The following CDC73 variants were observed in gnomAD, a reference collection of about 807,000 sequenced individuals.
The protein encoded by CDC73 is parafibromin.
CDC73 carries 21 observed loss-of-function variants against 83.7 expected under a neutral mutation model. The observed-to-expected ratio is 0.25, with a 90% CI of 0.18 to 0.36. The LOEUF (loss-of-function observed/expected upper bound fraction) is 0.36, where lower values mean the gene tolerates loss of function less well. CDC73 is among the 10% of genes least tolerant of loss of function. The pLI, the probability that CDC73 is intolerant of heterozygous loss-of-function variation, is 1.00. For missense variants in CDC73, 342 were observed against 653.3 expected, an observed-to-expected ratio of 0.52 and a Z score of 5.19; for synonymous variants, 224 against 212.9, an observed-to-expected ratio of 1.05 and a Z score of -0.45.
intron 13 of CDC73, among the ~76,000 whole-genome samples, chr1:193,226,337 T>C (rs1677566940): frequency 6.6e-6 from 1 of 152,166 alleles, no homozygotes; most frequent in Admixed American, 6.6e-5. Context: ...TTGGTGACTG[T>C]GTCCTTATAG....
chr1:193,242,637 C>A (rs1677881972), intron 15 of CDC73, among the ~76,000 whole-genome samples: 1 of 151,988 alleles, frequency 6.6e-6, no homozygotes, highest in Non-Finnish European at 1.5e-5. Context: ...ATCTTGAAGC[C>A]CCTCTCAAGA....
In CDC73 at chr1:193,190,957, A is replaced by G. The variant is rs1174776345; in HGVS notation, c.973-12838A>G. 4.6e-5 allele frequency among the ~76,000 whole-genome samples: 7 copies of G among 152,304 alleles called. No individual in the cohort carries two copies. In the East Asian group the frequency reaches 1.4e-3, roughly 29 times the overall value. On this transcript the variant is annotated intron_variant, in intron 10 of 16. Transcript: ENST00000367435. Reference sequence around the variant, plus strand: ...TTAGGGCCAGGGTAGGTAGTAGTCCAGTAGTGTGTGGGACAGTCTTTGTAA... The same window carrying G: ...TTAGGGCCAGGGTAGGTAGTAGTCCGGTAGTGTGTGGGACAGTCTTTGTAA...
intron 10 of CDC73, among the ~76,000 whole-genome samples, chr1:193,177,783 A>C (rs865825552): frequency 2.5e-4 from 38 of 152,188 alleles, no homozygotes; most frequent in African/African-American, 8.7e-4. Flanking sequence ...ACATTAATAA[A>C]ATTGCAGTTG....
chr1:193,219,888 A>T (rs61821975), intron 13 of CDC73, among the ~76,000 whole-genome samples: 2 of 152,224 alleles, frequency 1.3e-5, no homozygotes, highest in African/African-American at 2.4e-5. Context: ...ATAAAAGGAA[A>T]GAACAGCAAA....
chr1:193,205,246 A>G (rs1362174629), intron 11 of CDC73, among the ~76,000 whole-genome samples: 4 of 118,784 alleles, frequency 3.4e-5, no homozygotes, highest in African/African-American at 6.6e-5. Flanking sequence ...GAAAGTGAGT[A>G]TGAAGAAAGA....
At chr1:193,244,465 C>T (rs1346271652) in intron 15 of CDC73, among the ~76,000 whole-genome samples, 2 of 152,084 alleles carry the variant, frequency 1.3e-5, no homozygotes, top group Admixed American at 6.5e-5. Context: ...GCCTGCAGTC[C>T]CAGCTGCTGG....
chr1:193,128,948 T>C (rs943851926), intron 2 of CDC73, among the ~76,000 whole-genome samples: 6 of 151,760 alleles, frequency 4.0e-5, no homozygotes, highest in Admixed American at 3.9e-4. Context: ...CGCCTCAGTC[T>C]CCTGAGTAGC....
intron 13 of CDC73, among the ~76,000 whole-genome samples, chr1:193,230,574 C>T (rs1677647005): frequency 7.3e-6 from 1 of 137,022 alleles, no homozygotes; most frequent in Non-Finnish European, 1.5e-5. Flanking sequence ...ACATATGAAA[C>T]AATTGCCTAT....
intron 10 of CDC73, among the ~76,000 whole-genome samples, chr1:193,200,338 G>T (rs1041948341): frequency 2.6e-5 from 4 of 152,018 alleles, no homozygotes; most frequent in Admixed American, 2.0e-4. Context: ...TATATATTAC[G>T]ATATCTGTTC....
At chr1:193,155,229 C>A (rs1185441477) in intron 10 of CDC73, among the ~76,000 whole-genome samples, 2 of 151,932 alleles carry the variant, frequency 1.3e-5, no homozygotes, top group East Asian at 3.9e-4. Flanking sequence ...AGTAAAGGCC[C>A]CAGGGAGAGT....
intron 13 of CDC73, among the ~76,000 whole-genome samples, chr1:193,230,458 T>A (rs1002612181): frequency 1.4e-3 from 30 of 22,132 alleles, no homozygotes; most frequent in Non-Finnish European, 2.1e-3. Context: ...TAATCCCGTA[T>A]TTTTTTTTTT....
rs536913923 is a variant in CDC73, at chr1:193,160,252, TAGAA to T, written c.972+7818_972+7821del. Among the ~76,000 whole-genome samples the T allele has an allele frequency of 1.2e-4, 18 of 152,268 alleles. No homozygotes were observed. In the East Asian group the frequency reaches 3.3e-3, roughly 28 times the overall value. On this transcript the variant is annotated intron_variant, in intron 10 of 16. Transcript: ENST00000367435. ...ATCACAAAACACTTGAGATTTATTT[TAGAA>T]AGAAAGAAAAGTTATTGTTGCCACG...
At chr1:193,127,289 A>ATTG (rs1553277970) in intron 2 of CDC73, among the ~76,000 whole-genome samples, 1 of 143,188 alleles carries the variant, frequency 7.0e-6, no homozygotes. Context: ...AAAAAAAAAA[A>ATTG]TGTGTGTGTG....
intron 1 of CDC73, 117 bp from the exon 2 acceptor site, chr1:193,124,995 T>C (rs886310492): frequency 4.4e-5 from 31 of 700,702 alleles, no homozygotes; most frequent in Non-Finnish European, 6.6e-5. Context: ...TTATACTTTT[T>C]TTTTGTTAGC....
intron 10 of CDC73, among the ~76,000 whole-genome samples, chr1:193,193,869 T>C (rs2103170449): frequency 6.6e-6 from 1 of 151,632 alleles, no homozygotes; most frequent in Middle Eastern, 3.4e-3. Flanking sequence ...TAAGTATACA[T>C]ACAGATTTGT....
At chr1:193,222,504 A>G (rs180955802) in intron 13 of CDC73, among the ~76,000 whole-genome samples, 279 of 152,324 alleles carry the variant, frequency 1.8e-3, no homozygotes, top group African/African-American at 6.3e-3. Flanking sequence ...CATCACATTG[A>G]AAATACTACT....
intron 6 of CDC73, among the ~76,000 whole-genome samples, chr1:193,139,781 A>G (rs1675873501): frequency 6.6e-6 from 1 of 152,210 alleles, no homozygotes; most frequent in Non-Finnish European, 1.5e-5. Flanking sequence ...AACATTGGTC[A>G]GCTAGGGTAA....
chr1:193,223,121 C>G (rs1051736947), intron 13 of CDC73, among the ~76,000 whole-genome samples: 1 of 151,874 alleles, frequency 6.6e-6, no homozygotes, highest in Non-Finnish European at 1.5e-5. Context: ...ATTTTCTAAG[C>G]CTTGGTTTTT....
rs2103111507 is a variant in CDC73, at chr1:193,122,195, G to A, written c.-6G>A. 6.2e-7 allele frequency: 1 copy of A among 1,613,268 alleles called. No homozygotes were observed. The highest frequency in any genetic ancestry group is 8.5e-7 in the Non-Finnish European group (1 of 1,179,336). Reference sequence around the variant, plus strand: ...CCCCGAGCCGGCGGAGGCGAGGGGGGGGAAGATGGCGGACGTGCTTAGCGT... The same window carrying A: ...CCCCGAGCCGGCGGAGGCGAGGGGGAGGAAGATGGCGGACGTGCTTAGCGT... On this transcript the variant is annotated 5_prime_UTR_variant, in exon 1 of 17. Transcript: ENST00000367435.
Sources: gnomAD v4.1 joint callset for allele counts (sites outside exome capture counted in the v4.1 genomes callset) on GRCh38, gnomAD v4.1.1 for gene constraint, MANE v1.5 for transcripts, NCBI Gene and HGNC (gene_info 2026-07-23, HGNC 2026-07-21) for gene names.